Variants in BANK1 observed in about 807,000 individuals in gnomAD.
The protein encoded by BANK1 is B cell scaffold protein with ankyrin repeats 1.
BANK1 carries 95 observed loss-of-function variants against 94.5 expected under a neutral mutation model. That is an observed-to-expected ratio of 1.00 (90% CI 0.85 to 1.19). BANK1 has a LOEUF of 1.19. Ranked by LOEUF, BANK1 falls within the 50% of genes most tolerant of loss-of-function variation. BANK1 has a pLI of 0.00. For synonymous variants in BANK1, 334 were observed against 308.4 expected (o/e 1.08, Z -0.87); for missense variants, 987 against 932.2 (o/e 1.06, Z -0.77).
chr4:101,799,718 CAA>C (rs1725289431), intron 1 of BANK1, among the ~76,000 whole-genome samples: 1 of 151,912 alleles, frequency 6.6e-6, no homozygotes, highest in African/African-American at 2.4e-5. Flanking sequence ...ACTAAAAACA[CAA>C]AAAATTAGCC....
chr4:102,021,122 T>C (rs1726882198), intron 7 of BANK1, among the ~76,000 whole-genome samples: 2 of 150,486 alleles, frequency 1.3e-5, no homozygotes, highest in Admixed American at 1.3e-4. Flanking sequence ...TTACAGTAAT[T>C]GTAATTAAGA....
At chr4:101,938,113 A>G (rs184059282) in intron 7 of BANK1, among the ~76,000 whole-genome samples, 1 of 151,930 alleles carries the variant, frequency 6.6e-6, no homozygotes, top group Non-Finnish European at 1.5e-5. Context: ...GGGGAGGGTT[A>G]GCATTAGGAG....
chr4:101,917,490 T>A (rs942852278), intron 6 of BANK1, among the ~76,000 whole-genome samples: 3 of 151,938 alleles, frequency 2.0e-5, no homozygotes, highest in Non-Finnish European at 4.4e-5. Context: ...TCACCTGTAT[T>A]TTCTGATGCA....
intron 12 of BANK1, among the ~76,000 whole-genome samples, chr4:102,060,748 A>G (rs1345101271): frequency 6.6e-6 from 1 of 152,214 alleles, no homozygotes; most frequent in Non-Finnish European, 1.5e-5. Context: ...GAGTGAGACA[A>G]TGATTAAAAT....
intron 11 of BANK1, among the ~76,000 whole-genome samples, chr4:102,049,525 C>G (rs1363622816): frequency 2.0e-5 from 3 of 152,084 alleles, no homozygotes; most frequent in Non-Finnish European, 4.4e-5. Context: ...TCTCCTCAGC[C>G]ATATAGTCAA....
At chr4:101,845,178 G>T (rs1354339671) in intron 2 of BANK1, among the ~76,000 whole-genome samples, 1 of 151,848 alleles carries the variant, frequency 6.6e-6, no homozygotes, top group Non-Finnish European at 1.5e-5. Context: ...ATTATGTATT[G>T]CATGCTTGTA....
chr4:101,917,845 T>C, intron 6 of BANK1, 148 bp from the exon 7 acceptor site: 1 of 470,328 alleles, frequency 2.1e-6, no homozygotes, highest in Non-Finnish European at 3.8e-6. Context: ...GGGAAGATTC[T>C]AAATTTCTAG....
chr4:101,871,656 T>A (rs1728292402), intron 5 of BANK1, among the ~76,000 whole-genome samples: 1 of 152,168 alleles, frequency 6.6e-6, no homozygotes, highest in Admixed American at 6.6e-5. Context: ...ATGTCTATAT[T>A]GTAATTCCAA....
At chr4:101,914,279 A>G (rs1207045017) in intron 6 of BANK1, among the ~76,000 whole-genome samples, 1 of 152,062 alleles carries the variant, frequency 6.6e-6, no homozygotes, top group Non-Finnish European at 1.5e-5. Flanking sequence ...CTCATAAGTC[A>G]TAGACTTGAA....
chr4:102,033,371 A>G (rs1489647403), intron 10 of BANK1, among the ~76,000 whole-genome samples: 2 of 152,210 alleles, frequency 1.3e-5, no homozygotes, highest in Admixed American at 6.5e-5. Flanking sequence ...TAAGTAAAAT[A>G]AGTACATTTG....
In BANK1 at chr4:101,830,409, T is replaced by G. The variant is rs374484215; in HGVS notation, c.469+203T>G. Among the ~76,000 whole-genome samples the G allele has an allele frequency of 2.0e-5, 3 of 152,194 alleles. No individual in the cohort carries two copies. The East Asian group carries it at 5.8e-4, about 29-fold the overall frequency. Reference sequence around the variant, plus strand: ...TTTTAGCTCTATTCCAATCAAGGCTTATTCCTTGTTCTAAACATGGCTTAT... The same window carrying G: ...TTTTAGCTCTATTCCAATCAAGGCTGATTCCTTGTTCTAAACATGGCTTAT... On this transcript the variant is annotated intron_variant, in intron 2 of 16. Coordinates refer to ENST00000322953, the MANE Select transcript of BANK1 (RefSeq NM_017935.5).
intron 7 of BANK1, among the ~76,000 whole-genome samples, chr4:101,951,863 T>C (rs1207688295): frequency 7.6e-6 from 1 of 130,990 alleles, no homozygotes; most frequent in Non-Finnish European, 1.8e-5. Flanking sequence ...CATTTAGATT[T>C]ATAAAACAAA....
Position 102,074,419 on chromosome 4 carries a change from C to T in BANK1, c.*420C>T, listed in dbSNP as rs1418988282. On this transcript the variant is annotated 3_prime_UTR_variant, in exon 17 of 17. Coordinates refer to ENST00000322953, the MANE Select transcript of BANK1 (RefSeq NM_017935.5). ...CATGAAAATACAAATTTACTTAGCA[C>T]ATTTTTGCTTTTTAAGTAGCTGGTT... 6.6e-6 allele frequency: 1 copy of T among 152,032 alleles called. No individual in the cohort carries two copies. Among genetic ancestry groups the T allele is most frequent in the African/African-American group, 2.4e-5 (1 of 41,436 alleles). 9.4% of individuals were successfully genotyped at this position (152,032 alleles called of 1,614,324 possible).
intron 1 of BANK1, among the ~76,000 whole-genome samples, chr4:101,799,601 C>A (rs10440386): frequency 0.9 from 136,431 of 152,248 alleles, 61,476 homozygotes; most frequent in African/African-American, 0.97. Flanking sequence ...GTGGCCGGGC[C>A]TGGTGGCTCA....
intron 2 of BANK1, among the ~76,000 whole-genome samples, chr4:101,839,071 T>A (rs1264035429): frequency 6.6e-6 from 1 of 152,162 alleles, no homozygotes; most frequent in Non-Finnish European, 1.5e-5. Flanking sequence ...AATTAAAAAA[T>A]AAAGATTTTA....
intron 11 of BANK1, among the ~76,000 whole-genome samples, chr4:102,054,182 T>G (rs538142764): frequency 1.1e-3 from 170 of 152,200 alleles, no homozygotes; most frequent in Non-Finnish European, 2.1e-4. Context: ...GGATTGATTA[T>G]TTGTAACCAA....
At chr4:101,831,233 A>G (rs1403685000) in intron 2 of BANK1, among the ~76,000 whole-genome samples, 3 of 152,096 alleles carry the variant, frequency 2.0e-5, no homozygotes, top group Non-Finnish European at 4.4e-5. Flanking sequence ...CAGAGTAGCT[A>G]TCACCATCCT....
chr4:102,070,321 G>T (rs552420145), intron 13 of BANK1, among the ~76,000 whole-genome samples: 2 of 152,176 alleles, frequency 1.3e-5, no homozygotes, highest in South Asian at 4.1e-4. Flanking sequence ...CACGGTGTCC[G>T]CCTTACACTT....
At chr4:101,803,855 G>A (rs931390328) in intron 1 of BANK1, among the ~76,000 whole-genome samples, 2 of 149,936 alleles carry the variant, frequency 1.3e-5, no homozygotes, top group Admixed American at 6.6e-5. Flanking sequence ...AAAATTAGCC[G>A]GGCGTAGTGG....
Sources: allele counts gnomAD v4.1 joint callset (sites outside exome capture counted in the v4.1 genomes callset), GRCh38; gene constraint gnomAD v4.1.1; transcripts MANE v1.5; gene names NCBI Gene and HGNC (gene_info 2026-07-23, HGNC 2026-07-21).